The following KIAA1586 variants were observed in gnomAD, a reference collection of about 807,000 sequenced individuals.
The protein encoded by KIAA1586 is KIAA1586.
KIAA1586 carries 5 observed loss-of-function variants against 6.1 expected under a neutral mutation model. The ratio of observed to expected loss-of-function variants is 0.82; its 90% CI spans 0.43 to 1.73. KIAA1586 has a LOEUF of 1.73. KIAA1586 is among the 40% of genes most tolerant of loss of function. The pLI, the probability that KIAA1586 is intolerant of heterozygous loss-of-function variation, is 0.02. For missense variants in KIAA1586, 899 were observed against 878.2 expected, an observed-to-expected ratio of 1.02 and a Z score of -0.30; for synonymous variants, 280 against 301.7, an observed-to-expected ratio of 0.93 and a Z score of 0.75.
At chr6:57,055,515 T>TA (rs779263958), downstream of KIAA1586, among the ~76,000 whole-genome samples, 2 of 152,110 alleles carry the variant, frequency 1.3e-5, no homozygotes, top group Non-Finnish European at 2.9e-5. Context: ...ATAGATATGA[T>TA]ACTGCTGTCA....
At position 57,053,244 on chromosome 6, in the gene KIAA1586, G is replaced by C. The variant is rs769422106; in HGVS notation, c.745G>C (p.Val249Leu). The change falls in exon 4 of 4, where the codon GTT becomes CTT. Residue 249 changes from valine (V) to leucine (L), a missense_variant. By Grantham distance (32) the Val-to-Leu change is conservative. Coordinates refer to ENST00000370733, the MANE Select transcript of KIAA1586 (RefSeq NM_020931.4). ...NNKNIDATVK[V>L]FNTVYSLVKH... ...TAAAAATATTGATGCTACTGTAAAAGTTTTCAATACTGTTTACAGTTTAGT... is the reference window on the plus strand; with the variant it reads ...TAAAAATATTGATGCTACTGTAAAACTTTTCAATACTGTTTACAGTTTAGT... 3.1e-6 allele frequency: 5 copies of C among 1,599,988 alleles called. No individual in the cohort carries two copies. The highest frequency in any genetic ancestry group is 4.3e-6 in the Non-Finnish European group (5 of 1,175,264).
chr6:57,050,820 G>A lies in KIAA1586; in HGVS notation c.152G>A (p.Gly51Asp), dbSNP rs1239731466. Residue 51 changes from glycine to aspartate, a missense_variant, in exon 3 of 4, where the codon GGT becomes GAT. By Grantham distance (94) the Gly-to-Asp change is moderately conservative. Transcript: ENST00000370733. Reference sequence around the variant, plus strand: ...CTTGAATACATCGATCTGGTCTGTGGTGATGATGAAAACCCTAGCGCCTAT... The same window carrying A: ...CTTGAATACATCGATCTGGTCTGTGATGATGATGAAAACCCTAGCGCCTAT... ...PVLEYIDLVC[G>D]DDENPSAYYS... The A allele has an allele frequency of 1.9e-6, 3 of 1,613,606 alleles. No individual in the cohort carries two copies. The highest frequency in any genetic ancestry group is 2.5e-6 in the Non-Finnish European group (3 of 1,179,650).
the KIAA1586 span, among the ~76,000 whole-genome samples, chr6:57,064,975 C>T: frequency 2.0e-5 from 3 of 152,122 alleles, no homozygotes; most frequent in Non-Finnish European, 4.4e-5. Context: ...CTCTGCATTC[C>T]ATCCTCATGA....
downstream of KIAA1586, among the ~76,000 whole-genome samples, chr6:57,055,969 A>G (rs150400017): frequency 3.0e-3 from 450 of 152,368 alleles, 3 homozygotes; most frequent in African/African-American, 0.011. Flanking sequence ...GTCACCTAAA[A>G]TCAGAATTAA....
chr6:57,055,912 ATTGGGTAAAT>A (rs1828490989), downstream of KIAA1586, among the ~76,000 whole-genome samples: 1 of 152,234 alleles, frequency 6.6e-6, no homozygotes, highest in African/African-American at 2.4e-5. Context: ...TGCAAAATGA[ATTGGGTAAAT>A]TATATTTCAT....
chr6:57,053,192 T>C lies in KIAA1586; in HGVS notation c.693T>C (p.Ile231=). ...TAAAGGAATCAACTAATGATTCAAT[T>C]TGTAATTTAGTGCATAAACAAAATA... ...DLLKESTNDS[I]CNLVHKQNNK... The change falls in exon 4 of 4, where the codon ATT becomes ATC. Residue 231 remains isoleucine, a synonymous_variant. Transcript: ENST00000370733. 1 of 1,606,850 alleles carries C rather than the reference T, an allele frequency of 6.2e-7. No individual in the cohort carries two copies. The highest frequency in any genetic ancestry group is 1.1e-5 in the South Asian group (1 of 89,972).
chr6:57,065,005 T>A, the KIAA1586 span, among the ~76,000 whole-genome samples: 1 of 152,210 alleles, frequency 6.6e-6, no homozygotes. Flanking sequence ...AAGCTCAGCT[T>A]CCACAGCTCT....
downstream of KIAA1586, among the ~76,000 whole-genome samples, chr6:57,058,520 ATGCTAGCCAGATATT>A (rs1486944619): frequency 6.6e-6 from 1 of 152,196 alleles, no homozygotes; most frequent in African/African-American, 2.4e-5. Context: ...AATAACAGGG[ATGCTAGCCAGATATT>A]TAATAATCAA....
chr6:57,057,354 T>C (rs1197139079), downstream of KIAA1586, among the ~76,000 whole-genome samples: 2 of 152,200 alleles, frequency 1.3e-5, no homozygotes, highest in African/African-American at 4.8e-5. Flanking sequence ...TTTCTGTAGT[T>C]TTAGAACAGT....
rs781678888 is a variant in KIAA1586 at position 57,052,931 on chromosome 6, GT to G, written c.435del (p.Phe145LeufsTer10). 6.2e-7 allele frequency: 1 copy of G among 1,613,246 alleles called. No homozygotes were observed. Among genetic ancestry groups the G allele is most frequent in the Non-Finnish European group, 8.5e-7 (1 of 1,179,610 alleles). ...DCWNEKQAFM[F>X]TEQYKWLEIK... is the part of the protein sequence containing the mutation. ...GTTGGAATGAAAAACAAGCATTTATGTTTACAGAACAATACAAATGGCTTGA... is the reference window on the plus strand; with the variant it reads ...GTTGGAATGAAAAACAAGCATTTATGTTACAGAACAATACAAATGGCTTGA... On this transcript the variant is annotated frameshift_variant, in exon 4 of 4. Transcript: ENST00000370733. LOFTEE classifies it low-confidence loss of function (END_TRUNC).
chr6:57,064,279 T>G, the KIAA1586 span, among the ~76,000 whole-genome samples: 10 of 152,242 alleles, frequency 6.6e-5, no homozygotes, highest in Non-Finnish European at 1.2e-4. Context: ...AGAATAAAAG[T>G]TGAAGTCATA....
the KIAA1586 span, among the ~76,000 whole-genome samples, chr6:57,061,081 G>A: frequency 2.0e-5 from 3 of 151,846 alleles, no homozygotes; most frequent in South Asian, 2.1e-4. Flanking sequence ...TGGTTCAAGC[G>A]ATTCTCCTGC....
chr6:57,048,994 T>C (rs894791740), intron 2 of KIAA1586, among the ~76,000 whole-genome samples: 1 of 152,256 alleles, frequency 6.6e-6, no homozygotes, highest in Non-Finnish European at 1.5e-5. Flanking sequence ...CTTTAAATTT[T>C]ATTTTAAATA....
At chr6:57,058,614 C>T (rs970063266), downstream of KIAA1586, among the ~76,000 whole-genome samples, 1 of 152,114 alleles carries the variant, frequency 6.6e-6, no homozygotes, top group African/African-American at 2.4e-5. Context: ...AAATTTGAAG[C>T]TCCAAGGATA....
chr6:57,054,969 T>C lies in KIAA1586; in HGVS notation c.*106T>C. The C allele has an allele frequency of 1.6e-6, 2 of 1,263,356 alleles. No individual in the cohort carries two copies. The highest frequency in any genetic ancestry group is 2.1e-6 in the Non-Finnish European group (2 of 941,328). The allele number at this position is 1,263,356 out of a possible 1,614,324, so 78.3% of individuals were successfully genotyped here. On this transcript the variant is annotated 3_prime_UTR_variant, in exon 4 of 4. Coordinates refer to ENST00000370733, the MANE Select transcript of KIAA1586 (RefSeq NM_020931.4). ...AAAGCCAGTTAAACTTTTATCAGCATGTTGCTGTTTAAAAGGCGTTCTTTA... is the reference window on the plus strand; with the variant it reads ...AAAGCCAGTTAAACTTTTATCAGCACGTTGCTGTTTAAAAGGCGTTCTTTA...
chr6:57,051,340 TGATCATATTTAATACATCATTTCCTAC>T (rs1828320538), intron 3 of KIAA1586, among the ~76,000 whole-genome samples: 2 of 151,708 alleles, frequency 1.3e-5, no homozygotes, highest in African/African-American at 4.9e-5. Flanking sequence ...AGTACATAAA[TGATCATATTTAATACATCATTTCCTAC>T]TTAATACATC....
At position 57,050,762 on chromosome 6, in the gene KIAA1586, C is replaced by G. The variant is rs745701540; in HGVS notation, c.106-12C>G. 1 of 1,597,980 alleles carries G rather than the reference C, an allele frequency of 6.3e-7. No homozygotes were observed. The highest frequency in any genetic ancestry group is 1.1e-5 in the South Asian group (1 of 90,112). ...TGTTCATGACTTGTAAATTTGCCCACTTCCTTTTTAGGAAGGACCATCGAG... is the reference window on the plus strand; with the variant it reads ...TGTTCATGACTTGTAAATTTGCCCAGTTCCTTTTTAGGAAGGACCATCGAG... On this transcript the variant is annotated splice_polypyrimidine_tract_variant and intron_variant, in intron 2 of 3. Coordinates refer to ENST00000370733, the MANE Select transcript of KIAA1586 (RefSeq NM_020931.4).
In KIAA1586 at chr6:57,052,707, A is replaced by G; in HGVS notation, c.208A>G (p.Lys70Glu). The G allele has an allele frequency of 6.4e-7, 1 of 1,564,558 alleles. No homozygotes were observed. Among genetic ancestry groups the G allele is most frequent in the African/African-American group, 1.4e-5 (1 of 72,650 alleles). ...TCAGATTCTGTTTCCTAAAATGCCA[A>G]AACGACAGGGTGATTTTTTGCATTT... is the stretch of plus-strand genomic sequence containing the variant. ...YSDILFPKMP[K>E]RQGDFLHFLN... Residue 70 changes from lysine to glutamate, a missense_variant, in exon 4 of 4, where the codon AAA (lysine) becomes GAA (glutamate). Transcript: ENST00000370733.
rs575426890 is a variant in KIAA1586, at chr6:57,053,001, C to A, written c.502C>A (p.Arg168=). 1.9e-6 allele frequency: 3 copies of A among 1,613,680 alleles called. No individual in the cohort carries two copies. The Admixed American group carries it at 5.0e-5, about 27-fold the overall frequency. The change falls in exon 4 of 4, where the codon CGG becomes AGG. Residue 168 remains arginine, a synonymous_variant. Transcript: ENST00000370733. ...KLGCKDCSAV[R]HLGSKAEKHV... ...AGGATGTAAGGATTGTTCAGCAGTTCGGCATTTGGGATCGAAAGCAGAAAA... is the reference window on the plus strand; with the variant it reads ...AGGATGTAAGGATTGTTCAGCAGTTAGGCATTTGGGATCGAAAGCAGAAAA...
Sources: gnomAD v4.1 joint callset for allele counts (sites outside exome capture counted in the v4.1 genomes callset) on GRCh38, gnomAD v4.1.1 for gene constraint, MANE v1.5 for transcripts, NCBI Gene and HGNC (gene_info 2026-07-23, HGNC 2026-07-21) for gene names.